Variants in SLX4IP observed in about 807,000 individuals in gnomAD.
The protein encoded by SLX4IP is SLX4 interacting protein, also known as protein SLX4IP.
A neutral mutation model predicts 32.9 loss-of-function variants in SLX4IP; 34 were observed. The observed-to-expected ratio is 1.03, with a 90% CI of 0.79 to 1.38. The LOEUF (loss-of-function observed/expected upper bound fraction) is 1.38. SLX4IP is among the 40% of genes most tolerant of loss of function. The probability of loss-of-function intolerance (pLI) is 0.00; values close to 1 mark genes in which losing one functional copy is unlikely to be tolerated. For missense variants in SLX4IP, 444 were observed against 479.0 expected, an observed-to-expected ratio of 0.93 and a Z score of 0.68; for synonymous variants, 172 against 171.7, an observed-to-expected ratio of 1.00 and a Z score of -0.01.
intron 2 of SLX4IP, among the ~76,000 whole-genome samples, chr20:10,492,872 T>C (rs1478675582): frequency 6.6e-6 from 1 of 152,248 alleles, no homozygotes; most frequent in Non-Finnish European, 1.5e-5. Flanking sequence ...TCCTCTGTCA[T>C]ATAGTATGAT....
chr20:10,625,836 T>G lies in SLX4IP; in HGVS notation c.*2457T>G, dbSNP rs976037789. 10 of 152,158 alleles carry G rather than the reference T, an allele frequency of 6.6e-5. No individual in the cohort carries two copies. The highest frequency in any genetic ancestry group is 1.3e-4 in the Non-Finnish European group (9 of 68,044). 9.4% of individuals were successfully genotyped at this position (152,158 alleles called of 1,614,324 possible). On this transcript the variant is annotated 3_prime_UTR_variant, in exon 8 of 8. Transcript: ENST00000334534. ...GGAATTTTGCCTTTAAGCATTTTTC[T>G]TGCACATGGCTGAAACACCCCTGGC... is the stretch of plus-strand genomic sequence containing the variant.
In SLX4IP at chr20:10,624,635, A is replaced by T. The variant is rs1455745445; in HGVS notation, c.*1256A>T. Reference sequence around the variant, plus strand: ...CCCTAAGTAATAAGGAAAACCAAGTATATTCCCTAAAGTGTTGAAGTTAGC... The same window carrying T: ...CCCTAAGTAATAAGGAAAACCAAGTTTATTCCCTAAAGTGTTGAAGTTAGC... On this transcript the variant is annotated 3_prime_UTR_variant, in exon 8 of 8. Transcript: ENST00000334534. 6.6e-6 allele frequency: 1 copy of T among 152,046 alleles called. No individual in the cohort carries two copies. The highest frequency in any genetic ancestry group is 1.5e-5 in the Non-Finnish European group (1 of 68,026). The allele number at this position is 152,046 out of a possible 1,614,324, so 9.4% of individuals were successfully genotyped here.
At position 10,625,555 on chromosome 20, in the gene SLX4IP, A is replaced by G. The variant is rs1600170578; in HGVS notation, c.*2176A>G. ...TCTGGTATTGAGAAATTTTTATTTCATTAGCTAACCTGGGCTTGGTGGTTA... is the reference window on the plus strand; with the variant it reads ...TCTGGTATTGAGAAATTTTTATTTCGTTAGCTAACCTGGGCTTGGTGGTTA... On this transcript the variant is annotated 3_prime_UTR_variant, in exon 8 of 8. Transcript: ENST00000334534. 3 of 152,208 alleles carry G rather than the reference A, an allele frequency of 2.0e-5. No individual in the cohort carries two copies. The highest frequency in any genetic ancestry group is 3.8e-4 in the East Asian group (2 of 5,200). 9.4% of individuals were successfully genotyped at this position (152,208 alleles called of 1,614,324 possible). A position where few individuals can be genotyped will look rare whatever the true frequency, so the allele number is the denominator to read the frequency against.
intron 6 of SLX4IP, among the ~76,000 whole-genome samples, chr20:10,616,156 T>G (rs906772230): frequency 1.3e-5 from 2 of 152,158 alleles, no homozygotes; most frequent in African/African-American, 4.8e-5. Context: ...CAATGACTTC[T>G]CTTTCTCCCA....
At chr20:10,579,885 A>G (rs1341076470) in intron 4 of SLX4IP, among the ~76,000 whole-genome samples, 2 of 152,190 alleles carry the variant, frequency 1.3e-5, no homozygotes. Flanking sequence ...GTTAGGATCA[A>G]GAATCTTTTT....
chr20:10,451,795 C>T (rs1170298555), intron 1 of SLX4IP, among the ~76,000 whole-genome samples: 1 of 151,508 alleles, frequency 6.6e-6, no homozygotes, highest in Admixed American at 6.6e-5. Context: ...GGTGAAACCC[C>T]GTCTCTACTA....
chr20:10,532,382 C>T (rs564019322), intron 2 of SLX4IP, among the ~76,000 whole-genome samples: 5 of 152,064 alleles, frequency 3.3e-5, no homozygotes, highest in African/African-American at 1.2e-4. Flanking sequence ...AATTAGTATC[C>T]GCACCCTCAC....
intron 4 of SLX4IP, among the ~76,000 whole-genome samples, chr20:10,562,364 G>A (rs972776795): frequency 2.6e-5 from 4 of 152,148 alleles, no homozygotes; most frequent in African/African-American, 9.7e-5. Flanking sequence ...GAGTTGGGCC[G>A]CCCAGCTGCC....
intron 2 of SLX4IP, among the ~76,000 whole-genome samples, chr20:10,470,010 G>A (rs2065411705): frequency 6.6e-6 from 1 of 152,196 alleles, no homozygotes; most frequent in Non-Finnish European, 1.5e-5. Flanking sequence ...AGTGACACAA[G>A]ACTGCCTCTT....
At chr20:10,621,949 T>C (rs1036003727) in intron 7 of SLX4IP, among the ~76,000 whole-genome samples, 6 of 152,362 alleles carry the variant, frequency 3.9e-5, no homozygotes, top group African/African-American at 1.4e-4. Context: ...CCTGTGCAGC[T>C]TCTATCCTGC....
chr20:10,509,815 A>G (rs1000220818), intron 2 of SLX4IP, among the ~76,000 whole-genome samples: 1 of 151,656 alleles, frequency 6.6e-6, no homozygotes, highest in African/African-American at 2.4e-5. Flanking sequence ...CGGCTTTCCC[A>G]GTATCTGGGA....
chr20:10,445,911 C>G (rs560169374), intron 1 of SLX4IP, among the ~76,000 whole-genome samples: 28 of 149,764 alleles, frequency 1.9e-4, no homozygotes, highest in Non-Finnish European at 3.8e-4. Flanking sequence ...CAGCCATGAG[C>G]CACTGTGCCT....
intron 2 of SLX4IP, among the ~76,000 whole-genome samples, chr20:10,545,714 A>G (rs1312946117): frequency 6.6e-6 from 1 of 152,220 alleles, no homozygotes; most frequent in Non-Finnish European, 1.5e-5. Context: ...TAAGTCATCC[A>G]GAATCCCCAA....
At chr20:10,609,269 C>T (rs1045078866) in intron 6 of SLX4IP, among the ~76,000 whole-genome samples, 3 of 152,180 alleles carry the variant, frequency 2.0e-5, no homozygotes, top group Non-Finnish European at 4.4e-5. Context: ...ATCAGAACAC[C>T]CACAGTGATA....
Position 10,572,342 on chromosome 20 carries a change from A to G in SLX4IP, c.238+11522A>G, listed in dbSNP as rs112404664. ...TGTTTATGTGGTTTTTTTAAATACA[A>G]TTTTCCTCTAATCATAAAAACACAT... On this transcript the variant is annotated intron_variant, in intron 4 of 7. Transcript: ENST00000334534. 3.3e-3 allele frequency among the ~76,000 whole-genome samples: 503 copies of G among 152,210 alleles called. 5 individuals carry two copies. The highest frequency in any genetic ancestry group is 0.01 in the African/African-American group (430 of 41,538).
At chr20:10,547,937 A>G (rs1568734370) in intron 2 of SLX4IP, among the ~76,000 whole-genome samples, 1 of 152,230 alleles carries the variant, frequency 6.6e-6, no homozygotes, top group East Asian at 1.9e-4. Context: ...AGAGGACAGT[A>G]TGAGGTGCTA....
Position 10,622,749 on chromosome 20 carries a change from A to G in SLX4IP, c.597A>G (p.Ala199=). ...AAACATCTAGTGACTCAGTGATTGC[A>G]GAGATAGCAAGGAGGAGGAATGATG... The part of the protein sequence containing the change: ...TVETSSDSVI[A]EIARRRNDGQ... Residue 199 remains alanine (A), a synonymous_variant, in exon 8 of 8, where the codon GCA becomes GCG. Transcript: ENST00000334534. 1 of 1,614,202 alleles carries G rather than the reference A, an allele frequency of 6.2e-7. No homozygotes were observed.
chr20:10,502,090 T>C (rs904692425), intron 2 of SLX4IP, among the ~76,000 whole-genome samples: 2 of 152,196 alleles, frequency 1.3e-5, no homozygotes, highest in African/African-American at 4.8e-5. Flanking sequence ...GCATAGATAC[T>C]CAAGGGGGTT....
intron 4 of SLX4IP, among the ~76,000 whole-genome samples, chr20:10,569,703 C>T (rs2066439922): frequency 6.6e-6 from 1 of 152,060 alleles, no homozygotes; most frequent in Non-Finnish European, 1.5e-5. Flanking sequence ...CTCCTCTTAT[C>T]TAGAAGTCTG....
Sources: gnomAD v4.1 joint callset for allele counts (sites outside exome capture counted in the v4.1 genomes callset) on GRCh38, gnomAD v4.1.1 for gene constraint, MANE v1.5 for transcripts, NCBI Gene and HGNC (gene_info 2026-07-23, HGNC 2026-07-21) for gene names.